Variants in ANK2 observed in about 807,000 individuals in gnomAD.
ANK2 encodes ankyrin 2, also known as ankyrin-2.
Under a neutral mutation model 360.5 loss-of-function variants are expected in ANK2, and 83 were observed. That is an observed-to-expected ratio of 0.23 (90% CI 0.19 to 0.28). The LOEUF (loss-of-function observed/expected upper bound fraction) is 0.28. ANK2 is among the 10% of genes least tolerant of loss of function. ANK2 has a pLI of 1.00. For missense variants in ANK2, 4,201 were observed against 4,795.7 expected (o/e 0.88, Z 3.66); for synonymous variants, 1,740 against 1,759.5 (o/e 0.99, Z 0.28).
chr4:112,876,825 A>G (rs1464954891), intron 1 of ANK2, among the ~76,000 whole-genome samples: 1 of 152,198 alleles, frequency 6.6e-6, no homozygotes, highest in Non-Finnish European at 1.5e-5. Flanking sequence ...TCCTGTGCAC[A>G]TCAGATACCA....
At chr4:112,953,768 C>T (rs750106367) in intron 2 of ANK2, among the ~76,000 whole-genome samples, 3 of 152,214 alleles carry the variant, frequency 2.0e-5, no homozygotes, top group African/African-American at 4.8e-5. Flanking sequence ...TGAATTTTGA[C>T]GAGGATTATT....
chr4:113,277,452 A>G (rs1194788230), intron 15 of ANK2, among the ~76,000 whole-genome samples: 1 of 152,198 alleles, frequency 6.6e-6, no homozygotes, highest in Non-Finnish European at 1.5e-5. Flanking sequence ...ATTGAAAGAA[A>G]GAGAAGGAGG....
the ANK2 span, among the ~76,000 whole-genome samples, chr4:112,729,747 C>CAA: frequency 1.4e-4 from 10 of 70,334 alleles, no homozygotes; most frequent in African/African-American, 3.0e-4. Context: ...GACTCTGTCT[C>CAA]AAAAAAAAAA....
intron 4 of ANK2, among the ~76,000 whole-genome samples, chr4:113,200,890 G>A (rs998716489): frequency 4.6e-5 from 7 of 152,012 alleles, no homozygotes; most frequent in Non-Finnish European, 8.8e-5. Context: ...CCTGTCAGGG[G>A]GTGGGGGGCT....
chr4:112,837,496 C>A (rs751240237), intron 1 of ANK2, among the ~76,000 whole-genome samples: 6 of 152,192 alleles, frequency 3.9e-5, no homozygotes, highest in Non-Finnish European at 5.9e-5. Flanking sequence ...AGAAGAGGGC[C>A]ACCATCCTCC....
intron 2 of ANK2, among the ~76,000 whole-genome samples, chr4:113,195,108 T>A (rs1562796431): frequency 1.3e-5 from 2 of 152,114 alleles, no homozygotes; most frequent in African/African-American, 4.8e-5. Context: ...GAACTATAAA[T>A]CTGATCATAT....
intron 1 of ANK2, among the ~76,000 whole-genome samples, chr4:112,849,463 C>G (rs909750163): frequency 6.6e-6 from 1 of 152,176 alleles, no homozygotes; most frequent in South Asian, 2.1e-4. Flanking sequence ...TCTCTCTCCC[C>G]CAGCTCTCTT....
chr4:113,051,784 G>A (rs1418735389), intron 1 of ANK2, among the ~76,000 whole-genome samples: 1 of 151,952 alleles, frequency 6.6e-6, no homozygotes, highest in Non-Finnish European at 1.5e-5. Flanking sequence ...TGAATCCAGG[G>A]ATTCATCTGT....
chr4:113,217,198 T>C (rs1021152419), intron 4 of ANK2: 2 of 152,086 alleles, frequency 1.3e-5, no homozygotes, highest in African/African-American at 4.8e-5. Flanking sequence ...AAAAGCAAGT[T>C]CTCCTTTATC....
chr4:112,830,135 C>T lies in ANK2; in HGVS notation c.-40+11871C>T, dbSNP rs116972355. 3.0e-4 allele frequency among the ~76,000 whole-genome samples: 46 copies of T among 152,274 alleles called. No individual in the cohort carries two copies. The East Asian group carries it at 8.1e-3, about 27-fold the overall frequency. ...AAAAGAGAGCTACCCTTTGACACAG[C>T]GTCTCATCACTGAGTGTATAACAAA... On this transcript the variant is annotated intron_variant, in intron 1 of 30. Transcript: ENST00000503271.
At chr4:112,992,584 G>A (rs1364900922) in intron 2 of ANK2, among the ~76,000 whole-genome samples, 1 of 152,198 alleles carries the variant, frequency 6.6e-6, no homozygotes, top group Non-Finnish European at 1.5e-5. Context: ...AGTTGTGCGT[G>A]CCAGTATGAT....
intron 39 of ANK2, 59 bp downstream of exon 39, chr4:113,360,956 G>A: frequency 1.4e-6 from 2 of 1,415,748 alleles, no homozygotes. Flanking sequence ...TCAGTCAGGT[G>A]TCATTCACAG....
At chr4:112,903,027 C>T (rs1462962696) in intron 1 of ANK2, among the ~76,000 whole-genome samples, 2 of 152,130 alleles carry the variant, frequency 1.3e-5, no homozygotes, top group African/African-American at 2.4e-5. Flanking sequence ...TAATGGTTCA[C>T]AAGAGAGAGA....
At chr4:112,955,862 C>T (rs1002508746) in intron 2 of ANK2, among the ~76,000 whole-genome samples, 3 of 152,114 alleles carry the variant, frequency 2.0e-5, no homozygotes, top group African/African-American at 4.8e-5. Context: ...TTTCTTATAG[C>T]AAGTATAGGG....
Position 113,355,181 on chromosome 4 carries a change from T to C in ANK2, c.6563T>C (p.Leu2188Pro). 2 of 1,614,158 alleles carry C rather than the reference T, an allele frequency of 1.2e-6. No individual in the cohort carries two copies. Among genetic ancestry groups the C allele is most frequent in the East Asian group, 2.2e-5 (1 of 44,878 alleles). ...CTCGACTACATGAAAGATGAGTTCC[T>C]TCCAGCTCTGTCTTTACAAAGCGGT... ...FPLDYMKDEF[L>P]PALSLQSGAL... Residue 2188 changes from leucine to proline, a missense_variant, in exon 38 of 46, where the codon CTT becomes CCT. Transcript: ENST00000357077.
chr4:112,850,504 CTTTTTTTTTTTTTTT>C (rs60510554), intron 1 of ANK2, among the ~76,000 whole-genome samples: 1 of 5,820 alleles, frequency 1.7e-4, no homozygotes, highest in Non-Finnish European at 2.9e-4. Context: ...CTGTGCTAGT[CTTTTTTTTTTTTTTT>C]TTTTTTTTTT....
chr4:113,074,209 T>C (rs1446870557), intron 1 of ANK2, among the ~76,000 whole-genome samples: 1 of 152,216 alleles, frequency 6.6e-6, no homozygotes, highest in Non-Finnish European at 1.5e-5. Context: ...CTTTTAATGT[T>C]CAACTTGATG....
intron 2 of ANK2, among the ~76,000 whole-genome samples, chr4:112,905,278 A>T (rs1156837790): frequency 6.6e-6 from 1 of 152,198 alleles, no homozygotes; most frequent in East Asian, 1.9e-4. Flanking sequence ...CAATCATGCA[A>T]ATATCCATGA....
the ANK2 span, among the ~76,000 whole-genome samples, chr4:112,804,714 G>A: frequency 6.6e-6 from 1 of 152,104 alleles, no homozygotes; most frequent in South Asian, 2.1e-4. Flanking sequence ...ATATAAACTG[G>A]AACATGTGAG....
Sources: gnomAD v4.1 joint callset for allele counts (sites outside exome capture counted in the v4.1 genomes callset) on GRCh38, gnomAD v4.1.1 for gene constraint, MANE v1.5 for transcripts, NCBI Gene and HGNC (gene_info 2026-07-23, HGNC 2026-07-21) for gene names.